The following LTBR variants were observed in gnomAD, a reference collection of about 807,000 sequenced individuals.
LTBR encodes the protein tumor necrosis factor receptor superfamily member 3.
LTBR carries 15 observed loss-of-function variants against 45.4 expected under a neutral mutation model. The ratio of observed to expected loss-of-function variants is 0.33; its 90% CI spans 0.22 to 0.51. LTBR has a LOEUF of 0.51. Among genes scored for constraint, LTBR ranks in the 20% least tolerant of loss-of-function variants. The pLI, the probability that LTBR is intolerant of heterozygous loss-of-function variation, is 0.97. For missense variants in LTBR, 450 were observed against 565.5 expected, an observed-to-expected ratio of 0.80 and a Z score of 2.07; for synonymous variants, 228 against 231.0, an observed-to-expected ratio of 0.99 and a Z score of 0.12.
At chr12:6,382,795 A>G (rs1403989807), upstream of LTBR, among the ~76,000 whole-genome samples, 1 of 152,190 alleles carries the variant, frequency 6.6e-6, no homozygotes, top group Non-Finnish European at 1.5e-5. Flanking sequence ...TGCTGAACAG[A>G]GTCCTTCAGG....
intron 1 of LTBR, among the ~76,000 whole-genome samples, chr12:6,379,022 A>G (rs77680249): frequency 6.6e-6 from 1 of 152,236 alleles, no homozygotes; most frequent in East Asian, 1.9e-4. Flanking sequence ...CTCCGCGGAC[A>G]GGAGATGACG....
chr12:6,391,408 G>A lies in LTBR; in HGVS notation c.*471G>A, dbSNP rs1029572489. The A allele has an allele frequency of 2.0e-5, 3 of 153,262 alleles. No individual in the cohort carries two copies. The highest frequency in any genetic ancestry group is 7.2e-5 in the African/African-American group (3 of 41,480). The allele number at this position is 153,262 out of a possible 1,614,324, so 9.5% of individuals were successfully genotyped here. The stretch of plus-strand genomic sequence containing the variant: ...TGCATGAAGATGAAATTATAGGGAG[G>A]ACGCTCCTTCCCTCCCCTCCTAGAG... On this transcript the variant is annotated 3_prime_UTR_variant, in exon 10 of 10. Transcript: ENST00000228918.
intron 1 of LTBR, chr12:6,375,750 G>A: frequency 1.4e-6 from 2 of 1,412,622 alleles, no homozygotes; most frequent in Non-Finnish European, 1.8e-6. Flanking sequence ...GAGGCTGGGG[G>A]ACAGGATGGC....
rs1949053761 is a variant in LTBR at position 6,386,665 on chromosome 12, T to C, written c.667+221T>C. 3.7e-6 allele frequency: 2 copies of C among 537,424 alleles called. No individual in the cohort carries two copies. The highest frequency in any genetic ancestry group is 6.6e-6 in the Non-Finnish European group (2 of 302,134). 33.3% of individuals were successfully genotyped at this position (537,424 alleles called of 1,614,324 possible). A position where few individuals can be genotyped will look rare whatever the true frequency, so the allele number is the denominator to read the frequency against. On this transcript the variant is annotated intron_variant, in intron 6 of 9. Transcript: ENST00000228918. The surrounding 1 kb of genome is among the most constrained non-coding windows in gnomAD (Gnocchi z 4.1). ...TAAAATTATATATACTGTAATACTA[T>C]GTCAAGGAACACATCCCACACTGAG...
chr12:6,377,194 A>G, intron 1 of LTBR: 2 of 1,480,034 alleles, frequency 1.4e-6, no homozygotes, highest in Non-Finnish European at 1.8e-6. Context: ...GTCTCTTGCG[A>G]CTTCTTAAAG....
chr12:6,375,987 A>G, intron 1 of LTBR: 1 of 1,009,852 alleles, frequency 9.9e-7, no homozygotes. Context: ...TGGTGGGGGC[A>G]AATAGAAGGA....
upstream of LTBR, among the ~76,000 whole-genome samples, chr12:6,382,525 C>T (rs570106372): frequency 2.3e-4 from 35 of 152,338 alleles, no homozygotes; most frequent in East Asian, 4.2e-3. Flanking sequence ...CAGCCCCCAG[C>T]GCTAGGGCCC....
chr12:6,386,349 G>A lies in LTBR; in HGVS notation c.572G>A (p.Cys191Tyr). 2 of 1,613,602 alleles carry A rather than the reference G, an allele frequency of 1.2e-6. No homozygotes were observed. Among genetic ancestry groups the A allele is most frequent in the Non-Finnish European group, 1.7e-6 (2 of 1,179,658 alleles). ...CATCATCTTTTTTTCCTCTGCAGGT[G>A]TGAGAACCAAGGTCTGGTGGAGGCA... ...PSARCQPHTR[C>Y]ENQGLVEAAP... The change falls in exon 6 of 10, where the codon TGT (cysteine) becomes TAT (tyrosine). Residue 191 changes from cysteine to tyrosine, a missense_variant and splice_region_variant. Physicochemically the swap from Cys to Tyr is radical, Grantham distance 194. Transcript: ENST00000228918. The surrounding 1 kb of genome is among the most constrained non-coding windows in gnomAD (Gnocchi z 4.1).
rs1477714118 is a variant in LTBR at position 6,386,277 on chromosome 12, C to T, written c.570-70C>T. ...CGACTCACCACTTTCAGCCTCCCCG[C>T]CTGCCCAGTGGAGTCGGGACACTGG... is the stretch of plus-strand genomic sequence containing the variant. On this transcript the variant is annotated intron_variant, in intron 5 of 9. Transcript: ENST00000228918. This position sits in a 1 kb window ranked among gnomAD's most constrained non-coding sequence, Gnocchi z 4.1. 1 of 1,500,644 alleles carries T rather than the reference C, an allele frequency of 6.7e-7. No individual in the cohort carries two copies. The highest frequency in any genetic ancestry group is 1.4e-5 in the African/African-American group (1 of 72,570). The allele number at this position is 1,500,644 out of a possible 1,614,324, so 93.0% of individuals were successfully genotyped here.
intron 6 of LTBR, chr12:6,387,903 C>T (rs752674904): frequency 1.8e-4 from 82 of 453,340 alleles, no homozygotes; most frequent in Non-Finnish European, 3.1e-4. Context: ...CTGTAAACAC[C>T]CCCACAGGTA....
chr12:6,385,027 T>C lies in LTBR; in HGVS notation c.199T>C (p.Tyr67His). ...ICCSRCPPGTYVSAKCSRIRD... is the reference protein window; with the variant it reads ...ICCSRCPPGTHVSAKCSRIRD... The stretch of plus-strand genomic sequence containing the variant: ...CTGCTCCACTCACGTTCTAGGCACC[T>C]ATGTCTCAGCTAAATGTAGCCGCAT... Residue 67 changes from tyrosine (Y) to histidine (H), a missense_variant, in exon 3 of 10, where the codon TAT becomes CAT. By Grantham distance (83) the Tyr-to-His change is moderately conservative (BLOSUM62 2). This residue lies in a region of LTBR where 367 missense variants were observed against 435.4 expected (regional missense o/e 0.84). Coordinates refer to ENST00000228918, the MANE Select transcript of LTBR (RefSeq NM_002342.3). 29 of 1,614,232 alleles carry C rather than the reference T, an allele frequency of 1.8e-5. No homozygotes were observed. Among genetic ancestry groups the C allele is most frequent in the Non-Finnish European group, 2.5e-5 (29 of 1,180,044 alleles).
chr12:6,380,652 T>A (rs1431426671), upstream of LTBR, among the ~76,000 whole-genome samples: 1 of 149,126 alleles, frequency 6.7e-6, no homozygotes, highest in African/African-American at 2.5e-5. Flanking sequence ...ATTGCACCAT[T>A]GCACTCCAGC....
Position 6,388,139 on chromosome 12 carries a change from C to A in LTBR, c.668-259C>A, listed in dbSNP as rs41420249. ...TCTCTGAGCAGGAGGGCACCCACAC[C>A]ACCCCCAAACATGCCCATCCATGAT... On this transcript the variant is annotated intron_variant, in intron 6 of 9. Coordinates refer to ENST00000228918, the MANE Select transcript of LTBR (RefSeq NM_002342.3). The surrounding 1 kb of genome is among the most constrained non-coding windows in gnomAD (Gnocchi z 4.3). The A allele has an allele frequency of 3.1e-3, 1,440 of 464,048 alleles. 21 individuals are homozygous for A. Among genetic ancestry groups the A allele is most frequent in the African/African-American group, 0.026 (1,338 of 50,640 alleles). 28.7% of individuals were successfully genotyped at this position (464,048 alleles called of 1,614,324 possible). A position where few individuals can be genotyped will look rare whatever the true frequency, so the allele number is the denominator to read the frequency against.
In LTBR at chr12:6,388,318, A is replaced by T. The variant is rs1949071969; in HGVS notation, c.668-80A>T. On this transcript the variant is annotated intron_variant, in intron 6 of 9. Transcript: ENST00000228918. The surrounding 1 kb of genome is among the most constrained non-coding windows in gnomAD (Gnocchi z 4.3). ...TTTTCTCTGTCTGGGTTGCCCAGGG[A>T]TCTGGAAAGCTCTTCCTTCTCCTCC... 1.9e-6 allele frequency: 2 copies of T among 1,066,248 alleles called. No homozygotes were observed. Among genetic ancestry groups the T allele is most frequent in the African/African-American group, 1.5e-5 (1 of 64,542 alleles). The allele number at this position is 1,066,248 out of a possible 1,614,324, so 66.0% of individuals were successfully genotyped here.
rs987298042 is a variant in LTBR, at chr12:6,375,483, C to G, written c.-73C>G. 20 of 1,535,504 alleles carry G rather than the reference C, an allele frequency of 1.3e-5. No individual in the cohort carries two copies. In the Admixed American group the frequency reaches 3.9e-4, roughly 30 times the overall value. On this transcript the variant is annotated 5_prime_UTR_variant, in exon 1 of 10. Transcript: ENST00000539925. ...GTTCCTTTCCAGTTGAATCTGGCAGCCAAACCTCTCCTCCCCCTCACCTGA... is the reference window on the plus strand; with the variant it reads ...GTTCCTTTCCAGTTGAATCTGGCAGGCAAACCTCTCCTCCCCCTCACCTGA...
intron 2 of LTBR, 134 bp downstream of exon 2, chr12:6,384,818 C>A: frequency 1.9e-6 from 2 of 1,030,406 alleles, no homozygotes; most frequent in Admixed American, 2.0e-5. Context: ...GTGGGAAACC[C>A]TGGACATCAC....
intron 8 of LTBR, 89 bp from the exon 9 acceptor site, chr12:6,390,023 A>G (rs1232812758): frequency 6.2e-6 from 5 of 802,052 alleles, no homozygotes; most frequent in Non-Finnish European, 1.1e-5. Flanking sequence ...AGAAAGAAAG[A>G]GAAAGAGAGA....
upstream of LTBR, among the ~76,000 whole-genome samples, chr12:6,381,546 G>A (rs1479035295): frequency 1.3e-5 from 2 of 152,224 alleles, no homozygotes; most frequent in African/African-American, 2.4e-5. Flanking sequence ...GGGCTGAAGC[G>A]CCAGCTTACG....
intron 1 of LTBR, among the ~76,000 whole-genome samples, chr12:6,378,362 A>G (rs1449491274): frequency 6.6e-6 from 1 of 152,222 alleles, no homozygotes. Context: ...ATCATGGCTC[A>G]CTGCAGCCTC....
Sources: gnomAD v4.1 joint callset for allele counts (sites outside exome capture counted in the v4.1 genomes callset) on GRCh38, gnomAD v4.1.1 for gene constraint, gnomAD v4.1.1 regional missense constraint, Gnocchi (gnomAD v3.1) non-coding constraint, MANE v1.5 for transcripts, NCBI Gene and HGNC (gene_info 2026-07-23, HGNC 2026-07-21) for gene names.